Variants in CHD9 observed in about 807,000 individuals in gnomAD.
The protein encoded by CHD9 is chromodomain helicase DNA binding protein 9.
A neutral mutation model predicts 316.1 loss-of-function variants in CHD9; 77 were observed. That is an observed-to-expected ratio of 0.24 (90% CI 0.20 to 0.29). CHD9 has a LOEUF of 0.29. CHD9 is among the 10% of genes least tolerant of loss of function. CHD9 has a pLI of 1.00. For missense variants in CHD9, 2,763 were observed against 3,438.1 expected (o/e 0.80, Z 4.91); for synonymous variants, 1,129 against 1,158.3 (o/e 0.97, Z 0.51).
intron 20 of CHD9, among the ~76,000 whole-genome samples, chr16:53,265,075 A>G (rs2051521095): frequency 6.6e-6 from 1 of 152,236 alleles, no homozygotes; most frequent in South Asian, 2.1e-4. Flanking sequence ...TACAATAAAG[A>G]CTAACATTAC....
intron 24 of CHD9, among the ~76,000 whole-genome samples, chr16:53,277,014 C>T (rs1369798367): frequency 1.3e-5 from 2 of 152,090 alleles, no homozygotes; most frequent in Non-Finnish European, 2.9e-5. Context: ...AGAGGAGATG[C>T]ATGAATTTCT....
chr16:53,128,612 G>A (rs2039080511), intron 1 of CHD9, among the ~76,000 whole-genome samples: 1 of 152,146 alleles, frequency 6.6e-6, no homozygotes, highest in Admixed American at 6.5e-5. Context: ...TGTTGTTCGT[G>A]ATATTGATTC....
At chr16:53,118,975 A>G (rs1489701088) in intron 1 of CHD9, among the ~76,000 whole-genome samples, 1 of 152,110 alleles carries the variant, frequency 6.6e-6, no homozygotes. Flanking sequence ...TATTTTTAGT[A>G]GAGATGGGGT....
chr16:53,056,029 C>T (rs2152487748), intron 1 of CHD9, among the ~76,000 whole-genome samples: 1 of 152,146 alleles, frequency 6.6e-6, no homozygotes, highest in African/African-American at 2.4e-5. Flanking sequence ...TAAAAGGGCC[C>T]TTTTACAACT....
chr16:53,172,048 T>C (rs1338263272), intron 2 of CHD9, among the ~76,000 whole-genome samples: 1 of 152,182 alleles, frequency 6.6e-6, no homozygotes, highest in Non-Finnish European at 1.5e-5. Context: ...AAAATGGACA[T>C]ATAATAAACA....
intron 1 of CHD9, among the ~76,000 whole-genome samples, chr16:53,062,976 C>T (rs555148470): frequency 1.3e-5 from 2 of 151,900 alleles, no homozygotes; most frequent in East Asian, 2.0e-4. Context: ...GCCAAGATCG[C>T]GCCATTGCAC....
intron 21 of CHD9, 81 bp downstream of exon 21, chr16:53,267,571 T>A (rs2051818989): frequency 9.9e-7 from 1 of 1,011,030 alleles, no homozygotes; most frequent in Non-Finnish European, 1.4e-6. Flanking sequence ...TTGAGTATAT[T>A]TTTTATCTTC....
At chr16:53,155,323 A>G (rs959157214) in intron 1 of CHD9, among the ~76,000 whole-genome samples, 2 of 151,942 alleles carry the variant, frequency 1.3e-5, no homozygotes, top group Non-Finnish European at 2.9e-5. Context: ...CTCAGGCTCA[A>G]GCAGTCCTCC....
intron 1 of CHD9, among the ~76,000 whole-genome samples, chr16:53,089,744 T>C (rs1387366145): frequency 1.3e-5 from 2 of 152,174 alleles, no homozygotes; most frequent in Non-Finnish European, 2.9e-5. Context: ...GGTTCATTCC[T>C]GAGTAAACAG....
chr16:53,089,134 T>C (rs1168771810), intron 1 of CHD9, among the ~76,000 whole-genome samples: 2 of 144,148 alleles, frequency 1.4e-5, no homozygotes, highest in African/African-American at 2.6e-5. Context: ...ATAATAATAA[T>C]AATTAGCCAG....
intron 1 of CHD9, among the ~76,000 whole-genome samples, chr16:53,065,773 A>C (rs1175749472): frequency 1.3e-5 from 2 of 151,906 alleles, no homozygotes; most frequent in African/African-American, 4.8e-5. Flanking sequence ...ACTCTCAAAG[A>C]CTTGCTCTTT....
At chr16:53,195,846 C>G (rs555059375) in intron 2 of CHD9, among the ~76,000 whole-genome samples, 67 of 151,642 alleles carry the variant, frequency 4.4e-4, no homozygotes, top group African/African-American at 1.6e-3. Flanking sequence ...CAATCTCCAC[C>G]TCCCAAGTTC....
chr16:53,316,911 G>A (rs2056920348), intron 36 of CHD9, among the ~76,000 whole-genome samples: 1 of 152,064 alleles, frequency 6.6e-6, no homozygotes, highest in Admixed American at 6.6e-5. Flanking sequence ...GAATTATTAA[G>A]AAGATGGCCG....
intron 1 of CHD9, among the ~76,000 whole-genome samples, chr16:53,152,542 G>A (rs771490963): frequency 1.5e-4 from 23 of 152,196 alleles, no homozygotes; most frequent in Admixed American, 3.9e-4. Context: ...TCTGGTGGTG[G>A]TGCAGGGCTG....
intron 24 of CHD9, among the ~76,000 whole-genome samples, chr16:53,275,718 A>G (rs957076478): frequency 4.6e-5 from 7 of 152,102 alleles, no homozygotes; most frequent in African/African-American, 1.2e-4. Flanking sequence ...TAAGCAAGCC[A>G]TAAAACAAAT....
At chr16:53,204,964 C>A (rs1295870430) in intron 2 of CHD9, among the ~76,000 whole-genome samples, 2 of 152,066 alleles carry the variant, frequency 1.3e-5, no homozygotes, top group African/African-American at 4.8e-5. Flanking sequence ...CTGCCTCAGC[C>A]CCCTGAGTAA....
At chr16:53,095,409 C>T (rs558816485) in intron 1 of CHD9, among the ~76,000 whole-genome samples, 5 of 151,582 alleles carry the variant, frequency 3.3e-5, no homozygotes, top group South Asian at 2.1e-4. Context: ...TGTAGCTGGG[C>T]GTGGTGGTGT....
Position 53,066,042 on chromosome 16 carries a change from C to T in CHD9, c.-165+10965C>T, listed in dbSNP as rs552728482. On this transcript the variant is annotated intron_variant, in intron 1 of 38. Transcript: ENST00000447540. ...TTTGGGGTGGCTTACTGCATACCCACGAGTAAGAACTTCTTGCAATCAACA... is the reference window on the plus strand; with the variant it reads ...TTTGGGGTGGCTTACTGCATACCCATGAGTAAGAACTTCTTGCAATCAACA... Among the ~76,000 whole-genome samples the T allele has an allele frequency of 7.9e-5, 12 of 152,238 alleles. 1 individual carries two copies. The South Asian group carries it at 1.2e-3, about 16-fold the overall frequency.
chr16:53,182,354 C>G (rs2043598209), intron 2 of CHD9, among the ~76,000 whole-genome samples: 1 of 152,098 alleles, frequency 6.6e-6, no homozygotes, highest in Admixed American at 6.6e-5. Flanking sequence ...GCCACCACAT[C>G]CAGCTGATTT....
Sources: allele counts gnomAD v4.1 joint callset (sites outside exome capture counted in the v4.1 genomes callset), GRCh38; gene constraint gnomAD v4.1.1; transcripts MANE v1.5; gene names NCBI Gene and HGNC (gene_info 2026-07-23, HGNC 2026-07-21).